Variants in GRAMD2B observed in about 807,000 individuals in gnomAD.
GRAMD2B encodes the protein GRAM domain containing 2B.
GRAMD2B carries 41 observed loss-of-function variants against 59.2 expected under a neutral mutation model. The ratio of observed to expected loss-of-function variants is 0.69; its 90% CI spans 0.54 to 0.90. The LOEUF is 0.90. Among genes scored for constraint, GRAMD2B ranks in the 40% least tolerant of loss-of-function variants. The pLI is 0.00. For synonymous variants in GRAMD2B, 161 were observed against 182.7 expected (o/e 0.88, Z 0.96); for missense variants, 424 against 500.5 (o/e 0.85, Z 1.46).
rs2149780850 is a variant in GRAMD2B, at chr5:126,423,552, C to T, written c.-55C>T. On this transcript the variant is annotated 5_prime_UTR_variant, in exon 1 of 14. Transcript: ENST00000285689. Reference sequence around the variant, plus strand: ...ACCCGGACCTAGAAGCCGGGACGAGCCGGGGCAGAGCCAGGCGCGCGGAAG... The same window carrying T: ...ACCCGGACCTAGAAGCCGGGACGAGTCGGGGCAGAGCCAGGCGCGCGGAAG... 1.3e-6 allele frequency: 2 copies of T among 1,582,850 alleles called. No homozygotes were observed. Among genetic ancestry groups the T allele is most frequent in the South Asian group, 2.3e-5 (2 of 86,664 alleles).
upstream of GRAMD2B, among the ~76,000 whole-genome samples, chr5:126,418,794 G>C (rs1759471725): frequency 6.6e-6 from 1 of 152,164 alleles, no homozygotes; most frequent in South Asian, 2.1e-4. Context: ...TTAGAATTAA[G>C]TTCTTAATTG....
At chr5:126,368,091 A>G (rs888806716), upstream of GRAMD2B, among the ~76,000 whole-genome samples, 3 of 151,998 alleles carry the variant, frequency 2.0e-5, no homozygotes, top group Non-Finnish European at 2.9e-5. Context: ...CCATGGAAGG[A>G]TATAAAAGAG....
chr5:126,484,306 C>T (rs555074436), intron 9 of GRAMD2B, 96 bp from the exon 10 acceptor site: 3 of 1,384,780 alleles, frequency 2.2e-6, no homozygotes, highest in African/African-American at 2.9e-5. Context: ...CATTCTTGAC[C>T]ATTATGCATG....
At chr5:126,430,719 C>T (rs1003137973) in intron 1 of GRAMD2B, among the ~76,000 whole-genome samples, 2 of 152,140 alleles carry the variant, frequency 1.3e-5, no homozygotes, top group African/African-American at 4.8e-5. Context: ...AAAGGGCTTT[C>T]ATGTAGCAAA....
chr5:126,462,382 C>G, intron 1 of GRAMD2B: 2 of 984,262 alleles, frequency 2.0e-6, no homozygotes, highest in Non-Finnish European at 2.4e-6. Flanking sequence ...CTCAAACACA[C>G]GCTAGCCTCT....
chr5:126,487,018 G>A, intron 12 of GRAMD2B, 41 bp downstream of exon 12: 1 of 1,054,080 alleles, frequency 9.5e-7, no homozygotes, highest in Non-Finnish European at 1.5e-6. Flanking sequence ...TTGCCATTCT[G>A]CTTAATATAA....
chr5:126,363,611 T>G (rs182382556), intron 1 of GRAMD2B, among the ~76,000 whole-genome samples: 2 of 152,300 alleles, frequency 1.3e-5, no homozygotes, highest in Admixed American at 1.3e-4. Flanking sequence ...CAATAGAATA[T>G]TTTTGGTCAC....
chr5:126,474,107 G>C (rs1234065633), intron 5 of GRAMD2B, among the ~76,000 whole-genome samples: 2 of 152,134 alleles, frequency 1.3e-5, no homozygotes, highest in East Asian at 3.9e-4. Context: ...TTTTACCTTT[G>C]AGCTATGATG....
At chr5:126,404,555 G>T (rs1211116502) in intron 1 of GRAMD2B, among the ~76,000 whole-genome samples, 1 of 151,896 alleles carries the variant, frequency 6.6e-6, no homozygotes, top group Non-Finnish European at 1.5e-5. Context: ...GGGAGAAAAT[G>T]CCAGCCTGGA....
intron 1 of GRAMD2B, chr5:126,464,980 A>T (rs1276117122): frequency 8.1e-6 from 7 of 869,512 alleles, no homozygotes; most frequent in Non-Finnish European, 8.3e-6. Context: ...CTGCTTGGTT[A>T]AACAACATGT....
chr5:126,484,928 T>C (rs992259030), intron 10 of GRAMD2B, among the ~76,000 whole-genome samples: 2 of 152,178 alleles, frequency 1.3e-5, no homozygotes, highest in African/African-American at 4.8e-5. Flanking sequence ...TCATATTCCC[T>C]TTCCTCCCTT....
chr5:126,385,974 G>C (rs1484776865), intron 1 of GRAMD2B, among the ~76,000 whole-genome samples: 1 of 152,138 alleles, frequency 6.6e-6, no homozygotes, highest in Non-Finnish European at 1.5e-5. Flanking sequence ...TGGGTCTCTG[G>C]AGCAGAGAGG....
At chr5:126,444,417 T>A (rs1202034038) in intron 1 of GRAMD2B, among the ~76,000 whole-genome samples, 2 of 152,250 alleles carry the variant, frequency 1.3e-5, no homozygotes, top group Non-Finnish European at 2.9e-5. Context: ...CCATTTTTTA[T>A]GAACTGAATT....
Position 126,480,697 on chromosome 5 carries a change from C to T in GRAMD2B, c.725C>T (p.Ser242Phe). Reference sequence around the variant, plus strand: ...AGTTTCCGAGCAGACCGCCCTTCATCTCTGCCTCTGGTAAGTTGCCCACAT... The same window carrying T: ...AGTTTCCGAGCAGACCGCCCTTCATTTCTGCCTCTGGTAAGTTGCCCACAT... ...ENSFRADRPSSLPLDFNDEFS... is the reference protein window; with the variant it reads ...ENSFRADRPSFLPLDFNDEFS... Residue 242 changes from serine to phenylalanine, a missense_variant, in exon 8 of 14, where the codon TCT becomes TTT. Ser to Phe is a radical substitution (Grantham distance 155, BLOSUM62 -2). Transcript: ENST00000285689. 1 of 1,613,856 alleles carries T rather than the reference C, an allele frequency of 6.2e-7. No homozygotes were observed. Among genetic ancestry groups the T allele is most frequent in the Non-Finnish European group, 8.5e-7 (1 of 1,179,710 alleles).
At chr5:126,455,414 G>A (rs931879057) in intron 1 of GRAMD2B, among the ~76,000 whole-genome samples, 1 of 152,032 alleles carries the variant, frequency 6.6e-6, no homozygotes, top group Non-Finnish European at 1.5e-5. Flanking sequence ...TCTTCCTGCT[G>A]CCTGTACTTC....
At chr5:126,467,254 A>C (rs1444098335) in intron 2 of GRAMD2B, among the ~76,000 whole-genome samples, 1 of 151,838 alleles carries the variant, frequency 6.6e-6, no homozygotes, top group Non-Finnish European at 1.5e-5. Context: ...TCAGCAACAG[A>C]GTGAGACTTT....
At position 126,424,360 on chromosome 5, in the gene GRAMD2B, C is replaced by CA. The variant is rs527817318; in HGVS notation, c.83+672dup. ...TGGTATTTTCTAAGCCTACTGAAGT[C>CA]ACTTCTAATTCAGTCTATGATTTTA... On this transcript the variant is annotated intron_variant, in intron 1 of 13. Transcript: ENST00000285689. 9.2e-5 allele frequency among the ~76,000 whole-genome samples: 14 copies of CA among 152,266 alleles called. No homozygotes were observed. In the South Asian group the frequency reaches 2.5e-3, roughly 27 times the overall value.
intron 1 of GRAMD2B, among the ~76,000 whole-genome samples, chr5:126,442,563 A>G (rs941959284): frequency 1.3e-5 from 2 of 152,134 alleles, no homozygotes; most frequent in Non-Finnish European, 2.9e-5. Context: ...AAGTGCTGGG[A>G]TTACAGGCGT....
At chr5:126,414,358 CTTTAA>C (rs1018657560) in intron 1 of GRAMD2B, among the ~76,000 whole-genome samples, 32 of 152,232 alleles carry the variant, frequency 2.1e-4, no homozygotes, top group African/African-American at 7.7e-4. Flanking sequence ...AAAGATAACT[CTTTAA>C]TTTGATTTCC....
Sources: allele counts gnomAD v4.1 joint callset (sites outside exome capture counted in the v4.1 genomes callset), GRCh38; gene constraint gnomAD v4.1.1; transcripts MANE v1.5; gene names NCBI Gene and HGNC (gene_info 2026-07-23, HGNC 2026-07-21).